ADAMTS18: variants seen among roughly 807,000 people sequenced by gnomAD.
ADAMTS18 encodes ADAM metallopeptidase with thrombospondin type 1 motif 18, also known as A disintegrin and metalloproteinase with thrombospondin motifs 18.
ADAMTS18 carries 157 observed loss-of-function variants against 165.9 expected under a neutral mutation model. The ratio of observed to expected loss-of-function variants is 0.95; its 90% CI spans 0.83 to 1.08. The LOEUF (loss-of-function observed/expected upper bound fraction) is 1.08. Among genes scored for constraint, ADAMTS18 ranks in the 50% least tolerant of loss-of-function variants. The probability of loss-of-function intolerance (pLI) is 0.00; values close to 1 mark genes in which losing one functional copy is unlikely to be tolerated. For synonymous variants in ADAMTS18, 782 were observed against 578.2 expected, an observed-to-expected ratio of 1.35 and a Z score of -5.06; for missense variants, 2,040 against 1,534.0, an observed-to-expected ratio of 1.33 and a Z score of -5.51.
At chr16:77,399,081 C>T (rs1211889954) in intron 3 of ADAMTS18, among the ~76,000 whole-genome samples, 1 of 152,198 alleles carries the variant, frequency 6.6e-6, no homozygotes, top group African/African-American at 2.4e-5. Flanking sequence ...GAAATGCCTC[C>T]CACCCCACTT....
At chr16:77,304,726 C>T (rs974439427) in intron 16 of ADAMTS18, among the ~76,000 whole-genome samples, 3 of 152,336 alleles carry the variant, frequency 2.0e-5, no homozygotes, top group Admixed American at 2.0e-4. Flanking sequence ...AAATAACTTA[C>T]ACAATTTGCT....
chr16:77,288,158 A>C (rs72800097), intron 22 of ADAMTS18, among the ~76,000 whole-genome samples: 1,619 of 152,186 alleles, frequency 0.011, 10 homozygotes, highest in Non-Finnish European at 0.017. Context: ...GCCTCCTTGG[A>C]CCATACGTGC....
At chr16:77,305,780 C>T (rs2055670697) in intron 16 of ADAMTS18, among the ~76,000 whole-genome samples, 1 of 152,202 alleles carries the variant, frequency 6.6e-6, no homozygotes, top group Admixed American at 6.5e-5. Context: ...GCCTCTCCCA[C>T]TGATGTGGGG....
chr16:77,434,151 T>C (rs954556443), intron 2 of ADAMTS18, among the ~76,000 whole-genome samples: 6 of 41,758 alleles, frequency 1.4e-4, no homozygotes, highest in African/African-American at 3.6e-4. Context: ...CAGTTAGGAT[T>C]TTTTTTTTTT....
At chr16:77,335,545 A>C (rs2056294935) in intron 12 of ADAMTS18, among the ~76,000 whole-genome samples, 1 of 152,182 alleles carries the variant, frequency 6.6e-6, no homozygotes, top group Non-Finnish European at 1.5e-5. Context: ...AAAGGCTTGA[A>C]GTGATGGATA....
intron 8 of ADAMTS18, 136 bp downstream of exon 8, chr16:77,359,182 T>C (rs2056674266): frequency 1.2e-6 from 1 of 804,618 alleles, no homozygotes. Flanking sequence ...GCCCTTTGTA[T>C]AGTCAGAAAC....
In ADAMTS18 at chr16:77,322,316, A is replaced by AAGC; in HGVS notation, c.2163+17_2163+19dup. 6.2e-7 allele frequency: 1 copy of AAGC among 1,613,828 alleles called. No homozygotes were observed. On this transcript the variant is annotated intron_variant, in intron 14 of 22. Transcript: ENST00000282849. ...AACACAAGCATGCTCATACACTCCAAAGCAGAAACGTTCTCTTACTTCACA... is the reference window on the plus strand; with the variant it reads ...AACACAAGCATGCTCATACACTCCAAAGCAGCAGAAACGTTCTCTTACTTCACA...
At chr16:77,321,024 G>C (rs746786527) in intron 15 of ADAMTS18, 55 bp downstream of exon 15, 55 of 1,611,996 alleles carry the variant, frequency 3.4e-5, no homozygotes, top group Non-Finnish European at 4.4e-5. Context: ...ACTCAAACTT[G>C]TTTGGTAGCA....
intron 3 of ADAMTS18, among the ~76,000 whole-genome samples, chr16:77,401,818 C>G (rs372686192): frequency 6.6e-6 from 1 of 152,184 alleles, no homozygotes; most frequent in Non-Finnish European, 1.5e-5. Flanking sequence ...CTCTCGCTCT[C>G]TTTTCTTGAG....
At chr16:77,367,292 G>C in intron 4 of ADAMTS18, 149 bp downstream of exon 4, 1 of 819,088 alleles carries the variant, frequency 1.2e-6, no homozygotes, top group Non-Finnish European at 2.0e-6. Flanking sequence ...TCCAGCATTT[G>C]CCTGAGAGAG....
intron 14 of ADAMTS18, 30 bp from the exon 15 acceptor site, chr16:77,321,232 T>C (rs775750132): frequency 6.8e-6 from 11 of 1,613,516 alleles, no homozygotes; most frequent in Non-Finnish European, 9.3e-6. Flanking sequence ...CGTGAGAAAA[T>C]AAAAGATCAG....
rs1330345990 is a variant in ADAMTS18, at chr16:77,364,258, G to A, written c.902C>T (p.Ala301Val). The A allele has an allele frequency of 2.5e-6, 4 of 1,613,794 alleles. No individual in the cohort carries two copies. The highest frequency in any genetic ancestry group is 1.1e-5 in the South Asian group (1 of 91,064). The change falls in exon 5 of 23, where the codon GCA becomes GTA. Residue 301 changes from alanine (A) to valine (V), a missense_variant. Transcript: ENST00000282849. Reference protein sequence around the residue: ...KGLNVETLVVADKKMVEKHGK... With the variant: ...KGLNVETLVVVDKKMVEKHGK... Reference sequence around the variant, plus strand: ...ATGCTTTTCCACCATTTTCTTGTCTGCCACCACGAGGGTTTCCACATTGAG... The same window carrying A: ...ATGCTTTTCCACCATTTTCTTGTCTACCACCACGAGGGTTTCCACATTGAG...
intron 16 of ADAMTS18, among the ~76,000 whole-genome samples, chr16:77,311,590 C>T (rs2055781404): frequency 2.0e-5 from 3 of 151,874 alleles, no homozygotes; most frequent in Admixed American, 1.3e-4. Flanking sequence ...AAAAACTGAC[C>T]AGCAATTTGA....
intron 3 of ADAMTS18, among the ~76,000 whole-genome samples, chr16:77,428,216 G>A (rs893430851): frequency 1.4e-4 from 21 of 152,084 alleles, no homozygotes; most frequent in Non-Finnish European, 7.4e-5. Context: ...GTATTAATAG[G>A]AGAAGGGTGG....
rs187950011 is a variant in ADAMTS18 at position 77,397,132 on chromosome 16, T to C, written c.496-29409A>G. On this transcript the variant is annotated intron_variant, in intron 3 of 22. Transcript: ENST00000282849. The stretch of plus-strand genomic sequence containing the variant: ...CCTGGATTGCTTTCTAGGAGACCCA[T>C]ACTGTCCCAAATCTAACACAATTAT... 6.7e-3 allele frequency among the ~76,000 whole-genome samples: 1,022 copies of C among 152,242 alleles called. 5 individuals carry two copies. Among genetic ancestry groups the C allele is most frequent in the African/African-American group, 0.023 (967 of 41,538 alleles).
intron 3 of ADAMTS18, among the ~76,000 whole-genome samples, chr16:77,384,968 G>T (rs970520765): frequency 6.6e-6 from 1 of 150,780 alleles, no homozygotes; most frequent in Non-Finnish European, 1.5e-5. Flanking sequence ...GGAATGCAGT[G>T]GAATGATCTC....
At chr16:77,389,369 C>T (rs748149625) in intron 3 of ADAMTS18, among the ~76,000 whole-genome samples, 2 of 152,118 alleles carry the variant, frequency 1.3e-5, no homozygotes, top group African/African-American at 2.4e-5. Flanking sequence ...AAGATTATAG[C>T]TTAAGTGAGG....
At chr16:77,334,743 A>ATATATAG (rs2056268935) in intron 12 of ADAMTS18, among the ~76,000 whole-genome samples, 1 of 114,390 alleles carries the variant, frequency 8.7e-6, no homozygotes, top group Admixed American at 1.0e-4. Context: ...TATAGTATAT[A>ATATATAG]TACTGTATAC....
At chr16:77,372,818 G>A (rs142320138) in intron 3 of ADAMTS18, among the ~76,000 whole-genome samples, 3 of 152,084 alleles carry the variant, frequency 2.0e-5, no homozygotes, top group Non-Finnish European at 2.9e-5. Flanking sequence ...TTCTATTGAC[G>A]TCCCAAATCC....
Sources: allele counts gnomAD v4.1 joint callset (sites outside exome capture counted in the v4.1 genomes callset), GRCh38; gene constraint gnomAD v4.1.1; transcripts MANE v1.5; gene names NCBI Gene and HGNC (gene_info 2026-07-23, HGNC 2026-07-21).